CCT3: variants seen among roughly 807,000 people sequenced by gnomAD.
The protein encoded by CCT3 is chaperonin containing TCP1 subunit 3, also known as T-complex protein 1 subunit gamma.
Under a neutral mutation model 65.3 loss-of-function variants are expected in CCT3, and 10 were observed. That is an observed-to-expected ratio of 0.15 (90% CI 0.09 to 0.26). The LOEUF (loss-of-function observed/expected upper bound fraction) is 0.26. CCT3 is among the 10% of genes least tolerant of loss of function. CCT3 has a pLI of 1.00. For synonymous variants in CCT3, 225 were observed against 242.3 expected, an observed-to-expected ratio of 0.93 and a Z score of 0.66; for missense variants, 626 against 708.7, an observed-to-expected ratio of 0.88 and a Z score of 1.33.
chr1:156,327,321 C>G (rs569731589), intron 5 of CCT3, among the ~76,000 whole-genome samples: 2 of 151,680 alleles, frequency 1.3e-5, no homozygotes, highest in East Asian at 3.9e-4. Flanking sequence ...TCTCTTTCCA[C>G]GGTCTCCCTC....
chr1:156,328,590 G>A lies in CCT3; in HGVS notation c.305-3501C>T, dbSNP rs548927627. Among the ~76,000 whole-genome samples the A allele has an allele frequency of 3.7e-3, 569 of 151,912 alleles. 6 individuals are homozygous for A. Among genetic ancestry groups the A allele is most frequent in the African/African-American group, 0.013 (551 of 41,450 alleles). On this transcript the variant is annotated intron_variant, in intron 5 of 13. Transcript: ENST00000295688. ...CTGTGCTCTCTGAAACATGTGCTGT[G>A]TCCACTCAGGGTTAAATGGATTAAG...
intron 5 of CCT3, among the ~76,000 whole-genome samples, chr1:156,328,376 A>G (rs1330439886): frequency 6.6e-6 from 1 of 152,114 alleles, no homozygotes; most frequent in Non-Finnish European, 1.5e-5. Flanking sequence ...CTCATTGAGA[A>G]CGGGCCATGA....
intron 5 of CCT3, among the ~76,000 whole-genome samples, chr1:156,325,408 T>C (rs1388913222): frequency 2.0e-5 from 3 of 152,022 alleles, no homozygotes; most frequent in Non-Finnish European, 2.9e-5. Flanking sequence ...GAGCCTGCAG[T>C]CCCAGCTACT....
At chr1:156,329,681 G>A (rs1489880984) in intron 5 of CCT3, among the ~76,000 whole-genome samples, 1 of 150,392 alleles carries the variant, frequency 6.6e-6, no homozygotes, top group Non-Finnish European at 1.5e-5. Context: ...GCTCACGTCT[G>A]TAATCCCAGC....
chr1:156,322,831 C>T (rs985838615), intron 6 of CCT3, among the ~76,000 whole-genome samples: 1 of 152,050 alleles, frequency 6.6e-6, no homozygotes, highest in Non-Finnish European at 1.5e-5. Flanking sequence ...TGCATTCCAG[C>T]CTGAGCAACA....
At chr1:156,330,035 C>T (rs1490046134) in intron 5 of CCT3, among the ~76,000 whole-genome samples, 1 of 151,914 alleles carries the variant, frequency 6.6e-6, no homozygotes, top group Non-Finnish European at 1.5e-5. Flanking sequence ...TTCTTTAGGG[C>T]TGGTCAAGTG....
intron 1 of CCT3, chr1:156,337,273 T>C: frequency 6.0e-6 from 2 of 333,862 alleles, no homozygotes; most frequent in Non-Finnish European, 1.1e-5. Context: ...CCGTGCGTGG[T>C]GGCGCGCGCC....
chr1:156,309,133 G>T lies in CCT3; in HGVS notation c.*66C>A. The T allele has an allele frequency of 9.5e-7, 1 of 1,056,554 alleles. No homozygotes were observed. Among genetic ancestry groups the T allele is most frequent in the Non-Finnish European group, 1.5e-6 (1 of 675,090 alleles). The allele number at this position is 1,056,554 out of a possible 1,614,324, so 65.4% of individuals were successfully genotyped here. ...AACAAAGACGTCCACAGTGTTCCTG[G>T]CACTCTGGCTCAGGAAAAGGGGAGA... On this transcript the variant is annotated 3_prime_UTR_variant, in exon 14 of 14. Coordinates refer to ENST00000295688, the MANE Select transcript of CCT3 (RefSeq NM_005998.5).
chr1:156,319,152 G>A (rs1166507439), intron 7 of CCT3, 135 bp from the exon 8 acceptor site: 18 of 705,616 alleles, frequency 2.6e-5, no homozygotes, highest in South Asian at 1.2e-4. Flanking sequence ...TCGCTCTGTC[G>A]CTCAGGCTGG....
chr1:156,335,648 G>C, intron 2 of CCT3, 179 bp downstream of exon 2: 1 of 564,728 alleles, frequency 1.8e-6, no homozygotes, highest in South Asian at 2.5e-5. Context: ...TCCTAACTCA[G>C]AAGGGGAGGG....
At chr1:156,320,601 C>A (rs1394962823) in intron 7 of CCT3, among the ~76,000 whole-genome samples, 1 of 152,066 alleles carries the variant, frequency 6.6e-6, no homozygotes, top group Non-Finnish European at 1.5e-5. Flanking sequence ...AAAAAATTTG[C>A]TGGGCACAGT....
At chr1:156,323,503 C>T (rs867014152) in intron 6 of CCT3, among the ~76,000 whole-genome samples, 4 of 152,072 alleles carry the variant, frequency 2.6e-5, no homozygotes, top group Admixed American at 6.6e-5. Flanking sequence ...CTCGCTCTGT[C>T]GCCCAGCCTG....
In CCT3 at chr1:156,334,226, C is replaced by T. The variant is rs189939652; in HGVS notation, c.207+487G>A. Among the ~76,000 whole-genome samples the T allele has an allele frequency of 4.5e-4, 60 of 132,946 alleles. No individual in the cohort carries two copies. In the East Asian group the frequency reaches 0.011, roughly 24 times the overall value. 87.2% of individuals were successfully genotyped at this position (132,946 alleles called of 152,430 possible). A position where few individuals can be genotyped will look rare whatever the true frequency, so the allele number is the denominator to read the frequency against. On this transcript the variant is annotated intron_variant, in intron 4 of 13. Coordinates refer to ENST00000295688, the MANE Select transcript of CCT3 (RefSeq NM_005998.5). ...TGTACTCCAGCCTGGGTGACAAGAGCGAGACTCCGTCTCAAAAAAAAAAAA... is the reference window on the plus strand; with the variant it reads ...TGTACTCCAGCCTGGGTGACAAGAGTGAGACTCCGTCTCAAAAAAAAAAAA...
chr1:156,328,248 C>T (rs1318531859), intron 5 of CCT3, among the ~76,000 whole-genome samples: 2 of 143,178 alleles, frequency 1.4e-5, no homozygotes, highest in African/African-American at 2.5e-5. Flanking sequence ...GGTCAGCCCC[C>T]GGCCCGGCCA....
intron 5 of CCT3, among the ~76,000 whole-genome samples, chr1:156,329,341 C>G (rs138107820): frequency 1.5e-5 from 2 of 137,446 alleles, no homozygotes; most frequent in African/African-American, 5.4e-5. Context: ...GAATCTTGCT[C>G]TGTTGCCAGG....
rs1664104728 is a variant in CCT3, at chr1:156,312,036, C to T, written c.1155+5G>A. The T allele has an allele frequency of 6.2e-7, 1 of 1,605,564 alleles. No homozygotes were observed. Among genetic ancestry groups the T allele is most frequent in the Non-Finnish European group, 8.5e-7 (1 of 1,176,460 alleles). On this transcript the variant is annotated splice_donor_5th_base_variant and intron_variant, in intron 11 of 13. Coordinates refer to ENST00000295688, the MANE Select transcript of CCT3 (RefSeq NM_005998.5). ...CATCTGGTCATACATCCAAGGCTGACTCACCGAGAGAATCTCTTTGCTAGC... is the reference window on the plus strand; with the variant it reads ...CATCTGGTCATACATCCAAGGCTGATTCACCGAGAGAATCTCTTTGCTAGC...
chr1:156,328,992 G>GT (rs1205945558), intron 5 of CCT3, among the ~76,000 whole-genome samples: 2 of 152,068 alleles, frequency 1.3e-5, no homozygotes, highest in Non-Finnish European at 2.9e-5. Flanking sequence ...ATACAGTCAC[G>GT]TACCATTTAA....
rs771132284 is a variant in CCT3 at position 156,310,647 on chromosome 1, C to A, written c.1444G>T (p.Gly482Cys). 2.5e-6 allele frequency: 4 copies of A among 1,613,934 alleles called. No homozygotes were observed. In the African/African-American group the frequency reaches 5.3e-5, roughly 22 times the overall value. The change falls in exon 13 of 14, where the codon GGT (glycine) becomes TGT (cysteine). Residue 482 changes from glycine (G) to cysteine (C), a missense_variant. By Grantham distance (159) the Gly-to-Cys change is radical. Coordinates refer to ENST00000295688, the MANE Select transcript of CCT3 (RefSeq NM_005998.5). ...QENCETWGVN[G>C]ETGTLVDMKE... ...ATGTCCACCAAAGTACCCGTCTCAC[C>A]ATTTACACCCCAGGTCTCACAGTTC...
chr1:156,310,724 G>A, intron 12 of CCT3, 35 bp from the exon 13 acceptor site: 2 of 1,610,700 alleles, frequency 1.2e-6, no homozygotes, highest in Non-Finnish European at 1.7e-6. Context: ...GGGAAAATAA[G>A]TTAACAGGAA....
Sources: gnomAD v4.1 joint callset for allele counts (sites outside exome capture counted in the v4.1 genomes callset) on GRCh38, gnomAD v4.1.1 for gene constraint, MANE v1.5 for transcripts, NCBI Gene and HGNC (gene_info 2026-07-23, HGNC 2026-07-21) for gene names.